GLIS3: variants seen among roughly 807,000 people sequenced by gnomAD.
The protein encoded by GLIS3 is GLIS family zinc finger 3.
GLIS3 carries 53 observed loss-of-function variants against 78.6 expected under a neutral mutation model. The ratio of observed to expected loss-of-function variants is 0.67; its 90% CI spans 0.54 to 0.85. The LOEUF (loss-of-function observed/expected upper bound fraction) is 0.85. GLIS3 is among the 40% of genes least tolerant of loss of function. The pLI is 0.00. For synonymous variants in GLIS3, 684 were observed against 509.9 expected (o/e 1.34, Z -4.60); for missense variants, 1,703 against 1,231.1 (o/e 1.38, Z -5.74).
the GLIS3 span, among the ~76,000 whole-genome samples, chr9:4,358,981 A>C: frequency 6.6e-6 from 1 of 152,270 alleles, no homozygotes; most frequent in South Asian, 2.1e-4. Context: ...ACTCCTCACT[A>C]GTCCCATCCT....
intron 7 of GLIS3, among the ~76,000 whole-genome samples, chr9:3,889,569 T>C (rs1205774017): frequency 6.6e-6 from 1 of 152,220 alleles, no homozygotes; most frequent in African/African-American, 2.4e-5. Context: ...TTATAATACA[T>C]TCTCCTCTTT....
At chr9:4,016,558 C>A (rs990547127) in intron 4 of GLIS3, among the ~76,000 whole-genome samples, 10 of 152,150 alleles carry the variant, frequency 6.6e-5, no homozygotes, top group Non-Finnish European at 1.0e-4. Flanking sequence ...AGAGGTTCCC[C>A]AATGCTGAAA....
chr9:4,166,469 G>A (rs1815847543), intron 2 of GLIS3, among the ~76,000 whole-genome samples: 1 of 152,156 alleles, frequency 6.6e-6, no homozygotes, highest in Admixed American at 6.5e-5. Context: ...AAGACGTGAT[G>A]GGAAGAATAA....
the GLIS3 span, among the ~76,000 whole-genome samples, chr9:4,420,691 G>C: frequency 6.6e-6 from 1 of 152,134 alleles, no homozygotes; most frequent in Non-Finnish European, 1.5e-5. Flanking sequence ...TGGGGCCCCA[G>C]TGTACTAGTC....
chr9:4,188,051 G>C (rs1817974437), intron 2 of GLIS3, among the ~76,000 whole-genome samples: 1 of 152,020 alleles, frequency 6.6e-6, no homozygotes, highest in African/African-American at 2.4e-5. Flanking sequence ...GGAGTGGTGA[G>C]AGAGGGCATC....
At chr9:4,209,464 A>G (rs567804784) in intron 2 of GLIS3, among the ~76,000 whole-genome samples, 10 of 152,216 alleles carry the variant, frequency 6.6e-5, no homozygotes, top group Non-Finnish European at 1.3e-4. Context: ...AGGTGGCAAG[A>G]GCCCATTTGC....
At chr9:4,382,609 T>C in the GLIS3 span, among the ~76,000 whole-genome samples, 23 of 152,258 alleles carry the variant, frequency 1.5e-4, no homozygotes, top group African/African-American at 5.5e-4. Context: ...TCCCCAAACC[T>C]GAGTGATCAT....
the GLIS3 span, among the ~76,000 whole-genome samples, chr9:4,385,907 C>G: frequency 1.4e-4 from 22 of 152,270 alleles, no homozygotes; most frequent in South Asian, 4.6e-3. Context: ...AGATTCTAAT[C>G]TCCTGTACCA....
At chr9:3,853,768 C>A (rs916256887) in intron 9 of GLIS3, among the ~76,000 whole-genome samples, 8 of 152,172 alleles carry the variant, frequency 5.3e-5, no homozygotes, top group Non-Finnish European at 1.0e-4. Context: ...ACCCATTATC[C>A]TACCATCCTG....
At chr9:4,249,189 T>G (rs148671246) in intron 2 of GLIS3, among the ~76,000 whole-genome samples, 2 of 152,196 alleles carry the variant, frequency 1.3e-5, no homozygotes. Flanking sequence ...GGGGATAGCA[T>G]TGAATCTGTA....
At chr9:4,356,255 A>G in the GLIS3 span, among the ~76,000 whole-genome samples, 10 of 152,216 alleles carry the variant, frequency 6.6e-5, no homozygotes, top group East Asian at 1.9e-3. Context: ...GCAGAGCCGG[A>G]GAGACTGGCC....
At chr9:4,227,891 G>A (rs906955873) in intron 2 of GLIS3, among the ~76,000 whole-genome samples, 2 of 152,202 alleles carry the variant, frequency 1.3e-5, no homozygotes, top group Admixed American at 1.3e-4. Flanking sequence ...CCAGGGACCC[G>A]AGGGACACAG....
At chr9:4,131,601 A>G (rs1023172087) in intron 2 of GLIS3, among the ~76,000 whole-genome samples, 2 of 152,116 alleles carry the variant, frequency 1.3e-5, no homozygotes, top group African/African-American at 4.8e-5. Flanking sequence ...GTAAGATGTG[A>G]CTGCTTCACC....
the GLIS3 span, among the ~76,000 whole-genome samples, chr9:4,478,993 G>A: frequency 1.3e-5 from 2 of 152,142 alleles, no homozygotes; most frequent in Admixed American, 1.3e-4. Flanking sequence ...CTATGAAGAA[G>A]GAATTAGCCA....
At chr9:4,457,754 G>A in the GLIS3 span, among the ~76,000 whole-genome samples, 1 of 151,396 alleles carries the variant, frequency 6.6e-6, no homozygotes, top group Admixed American at 6.6e-5. Context: ...GGAGGCTGAG[G>A]CAGAAGAATC....
chr9:4,328,312 G>C (rs1817632147), intron 2 of GLIS3, among the ~76,000 whole-genome samples: 1 of 152,144 alleles, frequency 6.6e-6, no homozygotes, highest in African/African-American at 2.4e-5. Flanking sequence ...CTTGGTCACA[G>C]CTCCCCCTGA....
rs58568916 is a variant in GLIS3, at chr9:3,836,182, G to A, written c.2474-6690C>T. ...GCCCTGGCAGAGCAGATTTCCTGCC[G>A]TTGGTGCTAAGCAGTTTGTGCCTGG... On this transcript the variant is annotated intron_variant, in intron 9 of 10. Coordinates refer to ENST00000381971, the MANE Select transcript of GLIS3 (RefSeq NM_001042413.2). 1.5e-3 allele frequency among the ~76,000 whole-genome samples: 221 copies of A among 152,340 alleles called. 4 individuals are homozygous for A. The highest frequency in any genetic ancestry group is 4.6e-3 in the African/African-American group (191 of 41,582).
At chr9:3,999,059 T>C (rs768424340) in intron 4 of GLIS3, among the ~76,000 whole-genome samples, 1 of 152,134 alleles carries the variant, frequency 6.6e-6, no homozygotes, top group Non-Finnish European at 1.5e-5. Flanking sequence ...GTACCTTGCT[T>C]ATTTCCATTT....
At chr9:4,195,153 T>C (rs986121607) in intron 2 of GLIS3, among the ~76,000 whole-genome samples, 6 of 152,222 alleles carry the variant, frequency 3.9e-5, no homozygotes, top group Admixed American at 2.6e-4. Context: ...CTGGCGGCCT[T>C]TGCTTGCTCT....
Sources: allele counts gnomAD v4.1 joint callset (sites outside exome capture counted in the v4.1 genomes callset), GRCh38; gene constraint gnomAD v4.1.1; transcripts MANE v1.5; gene names NCBI Gene and HGNC (gene_info 2026-07-23, HGNC 2026-07-21).